Variants in ATRX observed in about 807,000 individuals in gnomAD.
The protein encoded by ATRX is ATRX chromatin remodeler.
Under a neutral mutation model 172.6 loss-of-function variants are expected in ATRX, and 12 were observed. That is an observed-to-expected ratio of 0.07 (90% CI 0.04 to 0.11). ATRX has a LOEUF of 0.11. Ranked by LOEUF, ATRX falls within the 10% of genes least tolerant of loss-of-function variation. The pLI is 1.00. For synonymous variants in ATRX, 674 were observed against 594.7 expected, an observed-to-expected ratio of 1.13 and a Z score of -1.94; for missense variants, 1,368 against 1,767.4, an observed-to-expected ratio of 0.77 and a Z score of 4.05.
chrX:77,722,141 G>A (rs782795370), intron 1 of ATRX, among the ~76,000 whole-genome samples: 15 of 111,363 alleles, frequency 1.3e-4, no homozygotes, highest in Non-Finnish European at 2.8e-4. Context: ...ACTGAAGCTG[G>A]ACTCCTTCCT....
At chrX:77,642,552 G>A (rs2068704773) in intron 15 of ATRX, among the ~76,000 whole-genome samples, 1 of 108,442 alleles carries the variant, frequency 9.2e-6, no homozygotes, top group African/African-American at 3.4e-5. Flanking sequence ...CTACTCAGAA[G>A]GCTGAAGTGG....
At position 77,521,424 on chromosome X, in the gene ATRX, A is replaced by T; in HGVS notation, c.7050T>A (p.Leu2350=). Residue 2350 remains leucine, a synonymous_variant, in exon 33 of 35, where the codon CTT becomes CTA. Coordinates refer to ENST00000373344, the MANE Select transcript of ATRX (RefSeq NM_000489.6). ...NSVTAVRIQP[L]EDIISAVWKE... is the part of the protein sequence containing the mutation. ...TTACTACAGCTGAAATTATATCCTC[A>T]AGAGGTTGAATCCTCACTGCTGTCA... 5 of 1,209,323 alleles carry T rather than the reference A, an allele frequency of 4.1e-6. No homozygotes were observed. Among genetic ancestry groups the T allele is most frequent in the Non-Finnish European group, 5.6e-6 (5 of 893,471 alleles).
At chrX:77,616,401 C>T in intron 22 of ATRX, 17 of 1,084,980 alleles carry the variant, frequency 1.6e-5, no homozygotes, top group Non-Finnish European at 2.1e-5. Flanking sequence ...TTCATATGTG[C>T]TGTATATCTT....
chrX:77,682,193 C>T lies in ATRX; in HGVS notation c.3063G>A (p.Glu1021=), dbSNP rs2071246611. 5 of 1,211,059 alleles carry T rather than the reference C, an allele frequency of 4.1e-6. No homozygotes were observed. The highest frequency in any genetic ancestry group is 4.5e-6 in the Non-Finnish European group (4 of 895,064). The change falls in exon 9 of 35, where the codon GAG becomes GAA. Residue 1021 remains glutamate, a synonymous_variant. Coordinates refer to ENST00000373344, the MANE Select transcript of ATRX (RefSeq NM_000489.6). ...TAGGAAAATGACAAATTTCTTCTCG[C>T]TCAGGTAACTTTTCAGTGCCATCAG... ...SSSDGTEKLP[E]REEICHFPKG...
At chrX:77,653,005 A>T (rs1294169921) in intron 14 of ATRX, among the ~76,000 whole-genome samples, 1 of 96,037 alleles carries the variant, frequency 1.0e-5, no homozygotes, top group South Asian at 4.7e-4. Flanking sequence ...GTTTCTTGTT[A>T]AAAAAAAAAA....
At chrX:77,624,458 G>A (rs1378762586) in intron 19 of ATRX, among the ~76,000 whole-genome samples, 3 of 111,491 alleles carry the variant, frequency 2.7e-5, no homozygotes, top group African/African-American at 6.5e-5. Flanking sequence ...GACGATTATC[G>A]TTTACCTTGA....
At chrX:77,522,205 A>G (rs2063253200) in intron 32 of ATRX, 58 bp downstream of exon 32, 1 of 1,197,647 alleles carries the variant, frequency 8.3e-7, no homozygotes, top group Non-Finnish European at 1.1e-6. Context: ...CCTCAACAAC[A>G]AGGCACTTGA....
At chrX:77,771,363 G>T (rs1302216490) in intron 1 of ATRX, among the ~76,000 whole-genome samples, 1 of 103,616 alleles carries the variant, frequency 9.7e-6, no homozygotes, top group African/African-American at 3.7e-5. Flanking sequence ...GACAGGGCAA[G>T]ACTCCGTCTC....
rs2063295565 is a variant in ATRX, at chrX:77,523,528, T to C, written c.6700-127A>G. The stretch of plus-strand genomic sequence containing the variant: ...TTGCTATATATATTTCTGATATATA[T>C]GACAGATTACCTAAAAAACAGCAGC... On this transcript the variant is annotated intron_variant, in intron 30 of 34. Coordinates refer to ENST00000373344, the MANE Select transcript of ATRX (RefSeq NM_000489.6). 4 of 670,047 alleles carry C rather than the reference T, an allele frequency of 6.0e-6. No individual in the cohort carries two copies. In the East Asian group the frequency reaches 1.4e-4, roughly 23 times the overall value. The allele number at this position is 670,047 out of a possible 1,213,427, so 55.2% of individuals were successfully genotyped here.
rs781792576 is a variant in ATRX at position 77,673,462 on chromosome X, T to G, written c.3809+2764A>C. Among the ~76,000 whole-genome samples the G allele has an allele frequency of 2.7e-5, 3 of 111,483 alleles. No individual in the cohort carries two copies. In the Admixed American group the frequency reaches 2.9e-4, roughly 11 times the overall value. Reference sequence around the variant, plus strand: ...TCAGTTATATAAAATTCAAAATATATGATTAGTCTACTTTTTTTTATAAAA... The same window carrying G: ...TCAGTTATATAAAATTCAAAATATAGGATTAGTCTACTTTTTTTTATAAAA... On this transcript the variant is annotated intron_variant, in intron 10 of 34. Transcript: ENST00000373344.
intron 22 of ATRX, among the ~76,000 whole-genome samples, chrX:77,611,383 G>A (rs1173343580): frequency 8.9e-6 from 1 of 111,746 alleles, no homozygotes; most frequent in Non-Finnish European, 1.9e-5. Flanking sequence ...GAAACACTTA[G>A]TATCATTTTA....
intron 15 of ATRX, 124 bp from the exon 16 acceptor site, chrX:77,636,180 A>G (rs1326915458): frequency 8.8e-6 from 6 of 680,007 alleles, no homozygotes; most frequent in African/African-American, 4.3e-5. Context: ...TCCAATTGGT[A>G]TGATTTGGAT....
At chrX:77,664,291 G>A (rs1292490720) in intron 11 of ATRX, among the ~76,000 whole-genome samples, 2 of 108,209 alleles carry the variant, frequency 1.8e-5, no homozygotes, top group Non-Finnish European at 3.8e-5. Context: ...ATGGAGTCTC[G>A]CTTTGTCACC....
chrX:77,686,207 G>C (rs2071542863), intron 7 of ATRX, among the ~76,000 whole-genome samples: 1 of 112,256 alleles, frequency 8.9e-6, no homozygotes, highest in Admixed American at 9.4e-5. Context: ...AATGTAATTA[G>C]ATTGCTTGTA....
At chrX:77,608,331 TGC>T (rs1251403376) in intron 22 of ATRX, among the ~76,000 whole-genome samples, 2 of 98,395 alleles carry the variant, frequency 2.0e-5, no homozygotes, top group East Asian at 6.3e-4. Flanking sequence ...ATTGCACCAC[TGC>T]ACTCCAGCCT....
At chrX:77,672,489 G>A (rs1260570995) in intron 10 of ATRX, among the ~76,000 whole-genome samples, 2 of 109,031 alleles carry the variant, frequency 1.8e-5, no homozygotes, top group South Asian at 4.0e-4. Flanking sequence ...ATACAGAGCC[G>A]TCATCAACAG....
rs782225649 is a variant in ATRX, at chrX:77,752,781, G to A, written c.20+33201C>T. Reference sequence around the variant, plus strand: ...TGATTGATTACTTTTATTGATTTGCGTATGTTGAACCAGCCTTGCATCACA... The same window carrying A: ...TGATTGATTACTTTTATTGATTTGCATATGTTGAACCAGCCTTGCATCACA... On this transcript the variant is annotated intron_variant, in intron 1 of 34. Coordinates refer to ENST00000373344, the MANE Select transcript of ATRX (RefSeq NM_000489.6). Among the ~76,000 whole-genome samples, 22 of 111,896 alleles carry A rather than the reference G, an allele frequency of 2.0e-4. No individual in the cohort carries two copies. The South Asian group carries it at 3.0e-3, about 15-fold the overall frequency.
At chrX:77,775,155 G>C (rs1415317543) in intron 1 of ATRX, among the ~76,000 whole-genome samples, 2 of 111,612 alleles carry the variant, frequency 1.8e-5, no homozygotes, top group African/African-American at 6.5e-5. Flanking sequence ...AATTTACTCT[G>C]AAACAATTCA....
chrX:77,773,565 A>C (rs1257643812), intron 1 of ATRX, among the ~76,000 whole-genome samples: 2 of 109,693 alleles, frequency 1.8e-5, no homozygotes, highest in Non-Finnish European at 3.8e-5. Context: ...CATCCTGATC[A>C]ACACAGTGAA....
Sources: gnomAD v4.1 joint callset for allele counts (sites outside exome capture counted in the v4.1 genomes callset) on GRCh38, gnomAD v4.1.1 for gene constraint, MANE v1.5 for transcripts, NCBI Gene and HGNC (gene_info 2026-07-23, HGNC 2026-07-21) for gene names.